ESRRB: variants seen among roughly 807,000 people sequenced by gnomAD.
ESRRB encodes steroid hormone receptor ERR2.
ESRRB carries 16 observed loss-of-function variants against 46.0 expected under a neutral mutation model. That is an observed-to-expected ratio of 0.35 (90% CI 0.24 to 0.53). ESRRB has a LOEUF of 0.53. Among genes scored for constraint, ESRRB ranks in the 20% least tolerant of loss-of-function variants. The pLI, the probability that ESRRB is intolerant of heterozygous loss-of-function variation, is 0.93. For missense variants in ESRRB, 488 were observed against 607.4 expected (o/e 0.80, Z 2.07); for synonymous variants, 246 against 259.6 (o/e 0.95, Z 0.50).
At chr14:76,321,899 A>T (rs74554652) in intron 1 of ESRRB, among the ~76,000 whole-genome samples, 3,094 of 151,612 alleles carry the variant, frequency 0.02, 107 homozygotes, top group Admixed American at 0.063. Flanking sequence ...AAAAAAAAAA[A>T]ATATATTCTT....
intron 1 of ESRRB, among the ~76,000 whole-genome samples, chr14:76,344,638 G>A (rs1251077277): frequency 1.3e-5 from 2 of 152,168 alleles, no homozygotes; most frequent in Non-Finnish European, 2.9e-5. Flanking sequence ...ATCACCTGAG[G>A]TCAGGAGTTC....
intron 1 of ESRRB, among the ~76,000 whole-genome samples, chr14:76,355,851 A>G (rs1469141041): frequency 6.6e-6 from 1 of 152,102 alleles, no homozygotes; most frequent in Non-Finnish European, 1.5e-5. Context: ...TCCTGCTCCA[A>G]TCAGAAAATG....
At chr14:76,473,901 G>A (rs1329022253) in intron 3 of ESRRB, among the ~76,000 whole-genome samples, 2 of 152,234 alleles carry the variant, frequency 1.3e-5, no homozygotes, top group Non-Finnish European at 2.9e-5. Flanking sequence ...TCCCAGAGTG[G>A]CCCCGAAGCT....
intron 1 of ESRRB, among the ~76,000 whole-genome samples, chr14:76,404,810 A>G (rs982046094): frequency 2.6e-5 from 4 of 152,224 alleles, no homozygotes; most frequent in Non-Finnish European, 5.9e-5. Flanking sequence ...GAGATGATAA[A>G]TAGGGCACGG....
At chr14:76,443,643 C>T (rs1888011165) in intron 2 of ESRRB, among the ~76,000 whole-genome samples, 1 of 152,158 alleles carries the variant, frequency 6.6e-6, no homozygotes, top group African/African-American at 2.4e-5. Flanking sequence ...AAGACAGTCA[C>T]ATTTTCTTCT....
intron 1 of ESRRB, among the ~76,000 whole-genome samples, chr14:76,393,737 A>G (rs2139824367): frequency 6.6e-6 from 1 of 152,268 alleles, no homozygotes; most frequent in African/African-American, 2.4e-5. Context: ...GGGCGGAAGG[A>G]CCTGGGGTCC....
At chr14:76,440,723 T>C (rs200290993) in intron 2 of ESRRB, among the ~76,000 whole-genome samples, 3 of 150,088 alleles carry the variant, frequency 2.0e-5, no homozygotes, top group East Asian at 2.0e-4. Flanking sequence ...CTCTCTCTCT[T>C]TCTCTCTCTC....
In ESRRB at chr14:76,501,046, G is replaced by A. The variant is rs904918286; in HGVS notation, c.*2588G>A. 2.3e-6 allele frequency: 1 copy of A among 434,866 alleles called. No individual in the cohort carries two copies. The allele number at this position is 434,866 out of a possible 1,614,324, so 26.9% of individuals were successfully genotyped here. A position where few individuals can be genotyped will look rare whatever the true frequency, so the allele number is the denominator to read the frequency against. On this transcript the variant is annotated 3_prime_UTR_variant, in exon 7 of 7. Coordinates refer to ENST00000644823, the MANE Select transcript of ESRRB (RefSeq NM_001379180.1). Reference sequence around the variant, plus strand: ...AGGACCCTCTCCGGGGAAGGGAGAGGACTGACTTAGTGGAAGGTGGTGAAG... The same window carrying A: ...AGGACCCTCTCCGGGGAAGGGAGAGAACTGACTTAGTGGAAGGTGGTGAAG...
chr14:76,343,027 TC>T (rs1884210288), intron 1 of ESRRB, among the ~76,000 whole-genome samples: 1 of 152,096 alleles, frequency 6.6e-6, no homozygotes, highest in Middle Eastern at 3.2e-3. Flanking sequence ...ATCCAGAAGA[TC>T]CCCTAGACAG....
chr14:76,453,358 C>T (rs1888473052), intron 2 of ESRRB, among the ~76,000 whole-genome samples: 1 of 152,140 alleles, frequency 6.6e-6, no homozygotes, highest in African/African-American at 2.4e-5. Context: ...TCAAACGCAC[C>T]TCAAAAGTTG....
intron 3 of ESRRB, among the ~76,000 whole-genome samples, chr14:76,466,555 C>A (rs74070204): frequency 0.1 from 15,706 of 151,072 alleles, 1,214 homozygotes; most frequent in African/African-American, 0.22. Flanking sequence ...AAAACAGGAG[C>A]TGTCCAAAGG....
At chr14:76,469,944 CTTTTTTTTTT>C (rs1178018542) in intron 3 of ESRRB, among the ~76,000 whole-genome samples, 3 of 73,074 alleles carry the variant, frequency 4.1e-5, no homozygotes, top group Non-Finnish European at 8.3e-5. Context: ...TTTTTTTTTT[CTTTTTTTTTT>C]TTTTTTTTTT....
chr14:76,333,983 T>C (rs1002264729), intron 1 of ESRRB, among the ~76,000 whole-genome samples: 17 of 152,106 alleles, frequency 1.1e-4, no homozygotes, highest in Non-Finnish European at 1.8e-4. Context: ...AGTTTCCCCA[T>C]CTGTAAAATG....
At chr14:76,336,352 G>A (rs1469941764) in intron 1 of ESRRB, among the ~76,000 whole-genome samples, 2 of 152,184 alleles carry the variant, frequency 1.3e-5, no homozygotes, top group Non-Finnish European at 2.9e-5. Context: ...TGGTTCTCCT[G>A]GCCCTGTGTG....
intron 1 of ESRRB, among the ~76,000 whole-genome samples, chr14:76,325,337 G>A (rs920439750): frequency 6.6e-6 from 1 of 152,174 alleles, no homozygotes; most frequent in African/African-American, 2.4e-5. Context: ...TTCTTTTGGA[G>A]TTTGAAATAT....
intron 1 of ESRRB, among the ~76,000 whole-genome samples, chr14:76,366,113 C>G (rs1337267628): frequency 1.3e-5 from 2 of 152,146 alleles, no homozygotes; most frequent in African/African-American, 4.8e-5. Context: ...GTATTTTAAA[C>G]CAGTCATGGT....
At chr14:76,469,586 G>A (rs1028389529) in intron 3 of ESRRB, among the ~76,000 whole-genome samples, 5 of 151,788 alleles carry the variant, frequency 3.3e-5, no homozygotes, top group African/African-American at 1.2e-4. Context: ...AAAGAGACAG[G>A]CTGGTCTCAA....
intron 1 of ESRRB, among the ~76,000 whole-genome samples, chr14:76,349,184 A>G (rs922403641): frequency 6.6e-6 from 1 of 152,216 alleles, no homozygotes; most frequent in Non-Finnish European, 1.5e-5. Flanking sequence ...CTGGCGGGGC[A>G]GCTGGAGTCC....
intron 3 of ESRRB, among the ~76,000 whole-genome samples, chr14:76,472,495 T>C (rs1889412638): frequency 6.6e-6 from 1 of 152,218 alleles, no homozygotes; most frequent in African/African-American, 2.4e-5. Context: ...CTCTCTTAGC[T>C]TTTAGGAAGT....
Sources: allele counts gnomAD v4.1 joint callset (sites outside exome capture counted in the v4.1 genomes callset), GRCh38; gene constraint gnomAD v4.1.1; transcripts MANE v1.5; gene names NCBI Gene and HGNC (gene_info 2026-07-23, HGNC 2026-07-21).